SLC8A2: variants seen among roughly 807,000 people sequenced by gnomAD.
SLC8A2 encodes the protein sodium/calcium exchanger 2.
In SLC8A2, 14 loss-of-function variants were observed where a neutral mutation model predicts 70.2. The observed-to-expected ratio is 0.20, with a 90% confidence interval of 0.13 to 0.31. The LOEUF is 0.31. Ranked by LOEUF, SLC8A2 falls within the 10% of genes least tolerant of loss-of-function variation. SLC8A2 has a pLI of 1.00. For missense variants in SLC8A2, 779 were observed against 1,320.1 expected (o/e 0.59, Z 6.35); for synonymous variants, 575 against 594.3 (o/e 0.97, Z 0.47).
In SLC8A2 at chr19:47,457,084, T is replaced by C. The variant is rs1967313951; in HGVS notation, c.1186A>G (p.Ile396Val). 6.3e-7 allele frequency: 1 copy of C among 1,576,280 alleles called. No individual in the cohort carries two copies. Among genetic ancestry groups the C allele is most frequent in the Non-Finnish European group, 8.6e-7 (1 of 1,161,746 alleles). Residue 396 changes from isoleucine to valine, a missense_variant, in exon 3 of 10, where the codon ATC becomes GTC. Physicochemically the swap from Ile to Val is conservative, Grantham distance 29. This residue lies in a region of SLC8A2 where 186 missense variants were observed against 246.6 expected (regional missense o/e 0.75). Coordinates refer to ENST00000236877, the MANE Select transcript of SLC8A2 (RefSeq NM_015063.3). ...GEDEDDGASR[I>V]FFEPSLYHCL... ...TGGTAGAGGCTAGGCTCGAAGAAGA[T>C]GCGGCTGGCGCCGTCGTCTTCGTCC...
rs1967196251 is a variant in SLC8A2 at position 47,448,358 on chromosome 19, G to C, written c.1341-127C>G. 1 of 675,954 alleles carries C rather than the reference G, an allele frequency of 1.5e-6. No homozygotes were observed. Among genetic ancestry groups the C allele is most frequent in the African/African-American group, 1.8e-5 (1 of 55,316 alleles). 41.9% of individuals were successfully genotyped at this position (675,954 alleles called of 1,614,324 possible). ...GCCATAGAAGAACTCCCAAGTATGA[G>C]GGTCGACAGGCATTAAACAAGTAAT... On this transcript the variant is annotated intron_variant, in intron 3 of 9. Coordinates refer to ENST00000236877, the MANE Select transcript of SLC8A2 (RefSeq NM_015063.3). This position sits in a 1 kb window ranked among gnomAD's most constrained non-coding sequence, Gnocchi z 4.8.
At chr19:47,437,364 G>A in intron 8 of SLC8A2, 98 bp downstream of exon 8, 1 of 938,064 alleles carries the variant, frequency 1.1e-6, no homozygotes, top group Non-Finnish European at 1.7e-6. Context: ...CGCCCGGCCT[G>A]TTTATCTTTG....
chr19:47,462,242 CTTTCTT>C (rs933469070), intron 2 of SLC8A2, among the ~76,000 whole-genome samples: 16 of 152,080 alleles, frequency 1.1e-4, no homozygotes, highest in South Asian at 4.1e-4. Flanking sequence ...TTATGTATTT[CTTTCTT>C]TTTCTTTTTC....
intron 9 of SLC8A2, among the ~76,000 whole-genome samples, chr19:47,431,477 C>T (rs1966957703): frequency 6.6e-6 from 1 of 151,408 alleles, no homozygotes; most frequent in Non-Finnish European, 1.5e-5. Context: ...GGTGAAACCC[C>T]GTCTCTACTA....
At chr19:47,458,535 G>A (rs1244176292) in intron 2 of SLC8A2, among the ~76,000 whole-genome samples, 3 of 108,498 alleles carry the variant, frequency 2.8e-5, no homozygotes, top group African/African-American at 3.7e-5. Flanking sequence ...TCTCCTTTCC[G>A]TCCCTCTCTT....
chr19:47,453,559 T>G (rs1967269559), intron 3 of SLC8A2, among the ~76,000 whole-genome samples: 1 of 152,204 alleles, frequency 6.6e-6, no homozygotes, highest in Non-Finnish European at 1.5e-5. Context: ...TGACTCTTCT[T>G]AGCCCTTTGG....
intron 3 of SLC8A2, among the ~76,000 whole-genome samples, chr19:47,452,398 GA>G (rs1189342275): frequency 2.7e-5 from 1 of 37,446 alleles, no homozygotes; most frequent in East Asian, 8.6e-4. Flanking sequence ...TATATATATG[GA>G]GAGAGAGAGA....
Position 47,430,050 on chromosome 19 carries a change from C to G in SLC8A2, c.*39G>C. The G allele has an allele frequency of 6.5e-7, 1 of 1,545,716 alleles. No homozygotes were observed. Among genetic ancestry groups the G allele is most frequent in the Non-Finnish European group, 8.7e-7 (1 of 1,144,972 alleles). On this transcript the variant is annotated 3_prime_UTR_variant, in exon 10 of 10. Coordinates refer to ENST00000236877, the MANE Select transcript of SLC8A2 (RefSeq NM_015063.3). The surrounding 1 kb of genome is among the most constrained non-coding windows in gnomAD (Gnocchi z 5.9). Reference sequence around the variant, plus strand: ...AGAGCAGGTGCAGCCGAGTCCCTAGCCCCGGGCGGGCGGTGGGGACGAGTC... The same window carrying G: ...AGAGCAGGTGCAGCCGAGTCCCTAGGCCCGGGCGGGCGGTGGGGACGAGTC...
At chr19:47,440,190 T>C (rs747712920) in intron 6 of SLC8A2, among the ~76,000 whole-genome samples, 1 of 152,090 alleles carries the variant, frequency 6.6e-6, no homozygotes, top group Non-Finnish European at 1.5e-5. Flanking sequence ...CTAACCTAAA[T>C]TCCTCAAACT....
intron 4 of SLC8A2, among the ~76,000 whole-genome samples, chr19:47,442,547 G>T (rs766859142): frequency 5.9e-5 from 9 of 152,078 alleles, no homozygotes; most frequent in Non-Finnish European, 1.0e-4. Flanking sequence ...CTTCCCCCAG[G>T]CTCCCTTCCT....
rs1176085653 is a variant in SLC8A2, at chr19:47,457,381, C to G, written c.889G>C (p.Gly297Arg). ...GCCTCGGCGGGGCCCGGGCCCAGGC[C>G]GCCCAGCTCACCTGGGGCCTCGGCG... ...VGAEAPGELGGLGPGPAEARE... is the reference protein window; with the variant it reads ...VGAEAPGELGRLGPGPAEARE... The change falls in exon 3 of 10, where the codon GGC becomes CGC. Residue 297 changes from glycine to arginine, a missense_variant. Around this residue, in one of 6 missense-constraint regions of SLC8A2, gnomAD observed 186 missense variants for 246.6 expected, o/e 0.75. Transcript: ENST00000236877. 6.4e-7 allele frequency: 1 copy of G among 1,551,174 alleles called. No homozygotes were observed. Among genetic ancestry groups the G allele is most frequent in the African/African-American group, 1.4e-5 (1 of 72,378 alleles).
Position 47,468,950 on chromosome 19 carries a change from A to C in SLC8A2, c.-16-2531T>G, listed in dbSNP as rs1376713641. Among the ~76,000 whole-genome samples, 1 of 152,132 alleles carries C rather than the reference A, an allele frequency of 6.6e-6. No homozygotes were observed. Among genetic ancestry groups the C allele is most frequent in the Non-Finnish European group, 1.5e-5 (1 of 68,020 alleles). On this transcript the variant is annotated intron_variant, in intron 1 of 9. Coordinates refer to ENST00000236877, the MANE Select transcript of SLC8A2 (RefSeq NM_015063.3). This position sits in a 1 kb window ranked among gnomAD's most constrained non-coding sequence, Gnocchi z 5.1. ...CTCTGCCACCAGCCTCATTTCTTCC[A>C]GGGGCTTCCATTTGCTTGAAAAGTT... is the stretch of plus-strand genomic sequence containing the variant.
intron 6 of SLC8A2, among the ~76,000 whole-genome samples, chr19:47,439,617 T>TCTTC (rs149487413): frequency 0.63 from 91,319 of 145,778 alleles, 32,641 homozygotes; most frequent in Non-Finnish European, 0.78. Context: ...TTCCTTCCTT[T>TCTTC]CTTCCTTCCT....
At chr19:47,440,566 C>T (rs138751502) in intron 6 of SLC8A2, among the ~76,000 whole-genome samples, 1 of 150,766 alleles carries the variant, frequency 6.6e-6, no homozygotes, top group African/African-American at 2.4e-5. Flanking sequence ...AGCTGGGATT[C>T]CAGATGCCTG....
In SLC8A2 at chr19:47,428,521, C is replaced by A. The variant is rs1327043394; in HGVS notation, c.*1568G>T. 6.6e-6 allele frequency: 1 copy of A among 152,436 alleles called. No individual in the cohort carries two copies. The highest frequency in any genetic ancestry group is 1.5e-5 in the Non-Finnish European group (1 of 68,130). The allele number at this position is 152,436 out of a possible 1,614,324, so 9.4% of individuals were successfully genotyped here. ...GAAGAGCTTGGCGGCTGGACCCCGG[C>A]GCTGCTGCTATATGTGGGTGTGTCC... On this transcript the variant is annotated 3_prime_UTR_variant, in exon 10 of 10. Transcript: ENST00000236877.
chr19:47,459,673 A>T (rs949199094), intron 2 of SLC8A2, among the ~76,000 whole-genome samples: 18 of 143,902 alleles, frequency 1.3e-4, no homozygotes, highest in Middle Eastern at 3.6e-3. Context: ...GTGTGTGTGC[A>T]TGTGTGTGTG....
Position 47,466,490 on chromosome 19 carries a change from A to G in SLC8A2, c.-16-71T>C. 1.2e-5 allele frequency: 7 copies of G among 605,754 alleles called. No homozygotes were observed. Among genetic ancestry groups the G allele is most frequent in the African/African-American group, 1.9e-5 (1 of 53,920 alleles). 37.5% of individuals were successfully genotyped at this position (605,754 alleles called of 1,614,324 possible). A position where few individuals can be genotyped will look rare whatever the true frequency, so the allele number is the denominator to read the frequency against. On this transcript the variant is annotated intron_variant, in intron 1 of 9. Coordinates refer to ENST00000236877, the MANE Select transcript of SLC8A2 (RefSeq NM_015063.3). The surrounding 1 kb of genome is among the most constrained non-coding windows in gnomAD (Gnocchi z 6.9). ...TTCTGTCATACAAAGGTCAAAGCTC[A>G]CTGGGGAAGGAGGGTTGGGGGAGAA... is the stretch of plus-strand genomic sequence containing the variant.
rs550320087 is a variant in SLC8A2 at position 47,468,441 on chromosome 19, C to T, written c.-16-2022G>A. Among the ~76,000 whole-genome samples the T allele has an allele frequency of 1.3e-5, 2 of 152,198 alleles. No individual in the cohort carries two copies. The highest frequency in any genetic ancestry group is 1.9e-4 in the East Asian group (1 of 5,204). ...CCTCCCAAGTAGCGGGAAGTACAGG[C>T]GTGCGCCACCATGCCCAGCTAATTT... On this transcript the variant is annotated intron_variant, in intron 1 of 9. Coordinates refer to ENST00000236877, the MANE Select transcript of SLC8A2 (RefSeq NM_015063.3). This position sits in a 1 kb window ranked among gnomAD's most constrained non-coding sequence, Gnocchi z 5.1.
chr19:47,450,242 G>T (rs1254353130), intron 3 of SLC8A2, among the ~76,000 whole-genome samples: 1 of 152,156 alleles, frequency 6.6e-6, no homozygotes, highest in African/African-American at 2.4e-5. Context: ...GGGTTCTGGG[G>T]CCGGGCGCGG....
Sources: gnomAD v4.1 joint callset for allele counts (sites outside exome capture counted in the v4.1 genomes callset) on GRCh38, gnomAD v4.1.1 for gene constraint, gnomAD v4.1.1 regional missense constraint, Gnocchi (gnomAD v3.1) non-coding constraint, MANE v1.5 for transcripts, NCBI Gene and HGNC (gene_info 2026-07-23, HGNC 2026-07-21) for gene names.